Variants in LRMDA observed in about 807,000 individuals in gnomAD.
The protein encoded by LRMDA is leucine-rich melanocyte differentiation-associated protein.
A neutral mutation model predicts 29.8 loss-of-function variants in LRMDA; 18 were observed. That is an observed-to-expected ratio of 0.60 (90% CI 0.42 to 0.90). LRMDA has a LOEUF of 0.90. Ranked by LOEUF, LRMDA falls within the 40% of genes least tolerant of loss-of-function variation. LRMDA has a pLI of 0.00. For synonymous variants in LRMDA, 125 were observed against 109.4 expected, an observed-to-expected ratio of 1.14 and a Z score of -0.89; for missense variants, 273 against 273.9, an observed-to-expected ratio of 1.00 and a Z score of 0.02.
intron 2 of LRMDA, among the ~76,000 whole-genome samples, chr10:75,790,741 G>A (rs985842132): frequency 2.0e-5 from 3 of 152,178 alleles, no homozygotes; most frequent in Non-Finnish European, 4.4e-5. Context: ...ATTCCCCAGT[G>A]GAGGGCTGTT....
At chr10:75,890,203 C>T (rs1429367230) in intron 2 of LRMDA, among the ~76,000 whole-genome samples, 1 of 152,098 alleles carries the variant, frequency 6.6e-6, no homozygotes, top group African/African-American at 2.4e-5. Flanking sequence ...TATCTATTTC[C>T]ATTATGAGGG....
At chr10:75,860,198 G>C (rs1011907393) in intron 2 of LRMDA, among the ~76,000 whole-genome samples, 2 of 151,974 alleles carry the variant, frequency 1.3e-5, no homozygotes, top group African/African-American at 4.8e-5. Context: ...TTGTGCAAGA[G>C]GTCACCTTGC....
rs952909458 is a variant in LRMDA, at chr10:76,135,827, C to T, written c.516+77044C>T. On this transcript the variant is annotated intron_variant, in intron 5 of 6. Transcript: ENST00000611255. ...TTGGATTTGGGCCCATCCTAATGAC[C>T]TTATGTTAAATTGATCATCTGCAAA... Among the ~76,000 whole-genome samples the T allele has an allele frequency of 4.0e-5, 6 of 151,056 alleles. No individual in the cohort carries two copies. The East Asian group carries it at 1.2e-3, about 29-fold the overall frequency.
intron 5 of LRMDA, among the ~76,000 whole-genome samples, chr10:76,193,706 T>A (rs1455211799): frequency 2.0e-5 from 3 of 152,070 alleles, no homozygotes; most frequent in African/African-American, 7.2e-5. Flanking sequence ...AACAAAAATG[T>A]GTTGCTGTCT....
chr10:75,508,012 G>A (rs1158979667), intron 2 of LRMDA, among the ~76,000 whole-genome samples: 1 of 152,178 alleles, frequency 6.6e-6, no homozygotes, highest in Non-Finnish European at 1.5e-5. Flanking sequence ...ACATGCAGAA[G>A]CATTTTAAAA....
chr10:76,484,640 C>T (rs1842763844), intron 6 of LRMDA, among the ~76,000 whole-genome samples: 1 of 151,776 alleles, frequency 6.6e-6, no homozygotes, highest in African/African-American at 2.4e-5. Flanking sequence ...AATCTGTGAT[C>T]CTGATAAAAT....
chr10:75,569,425 T>C (rs1229568534), intron 2 of LRMDA, among the ~76,000 whole-genome samples: 2 of 152,234 alleles, frequency 1.3e-5, no homozygotes, highest in South Asian at 2.1e-4. Flanking sequence ...TACCATTTAA[T>C]TGTGTTTAGC....
At chr10:76,280,527 C>A (rs1206058603) in intron 5 of LRMDA, among the ~76,000 whole-genome samples, 1 of 152,134 alleles carries the variant, frequency 6.6e-6, no homozygotes, top group African/African-American at 2.4e-5. Context: ...TTGTATTTTG[C>A]ACATTGATCA....
chr10:75,814,638 C>T (rs893452949), intron 2 of LRMDA, among the ~76,000 whole-genome samples: 3 of 152,242 alleles, frequency 2.0e-5, no homozygotes, highest in Admixed American at 6.5e-5. Context: ...TGCAGGCAGC[C>T]GGTTGACACA....
At chr10:76,193,137 T>C (rs1851275684) in intron 5 of LRMDA, among the ~76,000 whole-genome samples, 2 of 152,166 alleles carry the variant, frequency 1.3e-5, no homozygotes, top group African/African-American at 4.8e-5. Flanking sequence ...AAGCTGTACA[T>C]GTGTCGGAGT....
chr10:76,527,830 C>T (rs941882221), intron 6 of LRMDA, among the ~76,000 whole-genome samples: 26 of 152,160 alleles, frequency 1.7e-4, no homozygotes, highest in African/African-American at 5.8e-4. Context: ...CTCAGGTACA[C>T]TATTATAAAG....
chr10:76,483,642 G>C (rs897724232), intron 6 of LRMDA, among the ~76,000 whole-genome samples: 1 of 151,370 alleles, frequency 6.6e-6, no homozygotes, highest in Non-Finnish European at 1.5e-5. Context: ...AGAAATAGTT[G>C]AAGTGTGGCT....
intron 2 of LRMDA, among the ~76,000 whole-genome samples, chr10:75,839,137 C>T (rs932157471): frequency 3.3e-5 from 5 of 152,024 alleles, no homozygotes; most frequent in East Asian, 1.9e-4. Flanking sequence ...GCAGAAAGAG[C>T]GAAACAGGCC....
At chr10:75,978,115 G>A (rs1423865992) in intron 2 of LRMDA, among the ~76,000 whole-genome samples, 1 of 152,216 alleles carries the variant, frequency 6.6e-6, no homozygotes, top group African/African-American at 2.4e-5. Flanking sequence ...GGAGATGGAG[G>A]GCACTGGAGC....
At chr10:75,930,067 A>G (rs1846182469) in intron 2 of LRMDA, among the ~76,000 whole-genome samples, 2 of 152,212 alleles carry the variant, frequency 1.3e-5, no homozygotes, top group Admixed American at 1.3e-4. Flanking sequence ...CCTTGGAATC[A>G]TATGCTGAGA....
intron 2 of LRMDA, among the ~76,000 whole-genome samples, chr10:75,808,502 G>A (rs985998732): frequency 2.0e-5 from 3 of 152,054 alleles, no homozygotes; most frequent in African/African-American, 7.2e-5. Flanking sequence ...TTTGAATAAT[G>A]ATGTTCACAC....
At chr10:75,589,072 A>C (rs1840689937) in intron 2 of LRMDA, among the ~76,000 whole-genome samples, 1 of 152,148 alleles carries the variant, frequency 6.6e-6, no homozygotes, top group Admixed American at 6.5e-5. Flanking sequence ...GTTACCTTAA[A>C]CTGTCATTTT....
chr10:76,050,227 C>G (rs1176764123), intron 4 of LRMDA, among the ~76,000 whole-genome samples: 2 of 152,174 alleles, frequency 1.3e-5, no homozygotes, highest in Non-Finnish European at 2.9e-5. Context: ...TGGGAAGTGA[C>G]TCGATTTATG....
At chr10:76,542,056 T>A (rs1293751603) in intron 6 of LRMDA, among the ~76,000 whole-genome samples, 1 of 26,974 alleles carries the variant, frequency 3.7e-5, no homozygotes, top group Non-Finnish European at 8.3e-5. Flanking sequence ...TGTGTGCACG[T>A]GTGTGTGTGT....
Sources: gnomAD v4.1 joint callset for allele counts (sites outside exome capture counted in the v4.1 genomes callset) on GRCh38, gnomAD v4.1.1 for gene constraint, MANE v1.5 for transcripts, NCBI Gene and HGNC (gene_info 2026-07-23, HGNC 2026-07-21) for gene names.